The following PARD6B variants were observed in gnomAD, a reference collection of about 807,000 sequenced individuals.
PARD6B encodes par-6 family cell polarity regulator beta, also known as partitioning defective 6 homolog beta.
A neutral mutation model predicts 10.5 loss-of-function variants in PARD6B; 4 were observed. The observed-to-expected ratio is 0.38, with a 90% CI of 0.19 to 0.87. The LOEUF (loss-of-function observed/expected upper bound fraction) is 0.87. Ranked by LOEUF, PARD6B falls within the 40% of genes least tolerant of loss-of-function variation. The pLI, the probability that PARD6B is intolerant of heterozygous loss-of-function variation, is 0.41. For synonymous variants in PARD6B, 169 were observed against 170.4 expected (o/e 0.99, Z 0.07); for missense variants, 396 against 470.6 (o/e 0.84, Z 1.47).
intron 2 of PARD6B, among the ~76,000 whole-genome samples, chr20:50,742,137 C>G (rs1159708163): frequency 1.3e-5 from 2 of 152,168 alleles, no homozygotes; most frequent in Non-Finnish European, 2.9e-5. Flanking sequence ...ACTGCAACCT[C>G]CGCCTCCCAG....
Position 50,752,954 on chromosome 20 carries a change from C to T in PARD6B, c.*2466C>T, listed in dbSNP as rs6126089. On this transcript the variant is annotated 3_prime_UTR_variant, in exon 3 of 3. Transcript: ENST00000371610. ...CGGCTTTAACATTCTGTGAGTCTTA[C>T]AAATTTGACTCTTGAATGGCAAAAT... 0.26 allele frequency: 258,948 copies of T among 981,326 alleles called. 35,482 individuals are homozygous for T. The highest frequency in any genetic ancestry group is 0.44 in the African/African-American group (24,898 of 57,104). 60.8% of individuals were successfully genotyped at this position (981,326 alleles called of 1,614,324 possible).
Position 50,742,111 on chromosome 20 carries a change from G to A in PARD6B, c.289+4032G>A, listed in dbSNP as rs1600816660. Among the ~76,000 whole-genome samples, 3 of 152,114 alleles carry A rather than the reference G, an allele frequency of 2.0e-5. No individual in the cohort carries two copies. The East Asian group carries it at 5.8e-4, about 29-fold the overall frequency. ...TCTGTCACCCAGGCTGGAATGCAGG[G>A]GCGTGACCTCCACTCACTGCAACCT... On this transcript the variant is annotated intron_variant, in intron 2 of 2. Transcript: ENST00000371610.
rs145847971 is a variant in PARD6B at position 50,742,082 on chromosome 20, T to A, written c.289+4003T>A. Among the ~76,000 whole-genome samples, 205 of 152,306 alleles carry A rather than the reference T, an allele frequency of 1.3e-3. 2 individuals carry two copies. Among genetic ancestry groups the A allele is most frequent in the African/African-American group, 4.8e-3 (198 of 41,560 alleles). On this transcript the variant is annotated intron_variant, in intron 2 of 2. Coordinates refer to ENST00000371610, the MANE Select transcript of PARD6B (RefSeq NM_032521.3). ...GTTTTGTTTTGTTTTGTTTTAAGTC[T>A]TGCTCTGTCACCCAGGCTGGAATGC...
chr20:50,739,891 A>ATTGCACTC (rs2087521367), intron 2 of PARD6B, among the ~76,000 whole-genome samples: 4 of 116,846 alleles, frequency 3.4e-5, no homozygotes, highest in Admixed American at 1.0e-4. Flanking sequence ...GGGAGAAGGC[A>ATTGCACTC]GTGGCGGGAA....
chr20:50,742,617 C>T (rs1395674311), intron 2 of PARD6B, among the ~76,000 whole-genome samples: 1 of 152,076 alleles, frequency 6.6e-6, no homozygotes, highest in South Asian at 2.1e-4. Flanking sequence ...CCACCCTCCT[C>T]AGCCTCTCAT....
rs7268617 is a variant in PARD6B at position 50,751,989 on chromosome 20, T to C, written c.*1501T>C. 1.5e-4 allele frequency: 144 copies of C among 985,388 alleles called. No individual in the cohort carries two copies. The African/African-American group carries it at 2.5e-3, about 17-fold the overall frequency. The allele number at this position is 985,388 out of a possible 1,614,324, so 61.0% of individuals were successfully genotyped here. ...GTGCTGGATTGCAGGCATGAGCGCC[T>C]AGCCAGGAAGCTATCTTTTCTTGAG... is the stretch of plus-strand genomic sequence containing the variant. On this transcript the variant is annotated 3_prime_UTR_variant, in exon 3 of 3. Coordinates refer to ENST00000371610, the MANE Select transcript of PARD6B (RefSeq NM_032521.3).
chr20:50,734,686 A>AT lies in PARD6B; in HGVS notation c.66+2843dup, dbSNP rs201149764. Among the ~76,000 whole-genome samples the AT allele has an allele frequency of 8.2e-3, 1,236 of 150,424 alleles. 12 individuals carry two copies. The highest frequency in any genetic ancestry group is 0.027 in the African/African-American group (1,110 of 40,946). On this transcript the variant is annotated intron_variant, in intron 1 of 2. Transcript: ENST00000371610. ...GTCCATTTTTCTCTTACTATTTTCA[A>AT]TTTTTTTTTATCTTTTTAGAGACAG...
At chr20:50,741,851 C>T (rs1245548133) in intron 2 of PARD6B, among the ~76,000 whole-genome samples, 3 of 151,668 alleles carry the variant, frequency 2.0e-5, no homozygotes, top group Non-Finnish European at 4.4e-5. Flanking sequence ...CGGCCGCACT[C>T]TGTCTTTTAA....
At chr20:50,732,135 A>C (rs1222220472) in intron 1 of PARD6B, among the ~76,000 whole-genome samples, 1 of 152,186 alleles carries the variant, frequency 6.6e-6, no homozygotes, top group Non-Finnish European at 1.5e-5. Flanking sequence ...AGTAGGGGCC[A>C]AGGTATATCC....
At chr20:50,734,694 T>C (rs2087490515) in intron 1 of PARD6B, among the ~76,000 whole-genome samples, 1 of 152,030 alleles carries the variant, frequency 6.6e-6, no homozygotes. Context: ...CAATTTTTTT[T>C]TATCTTTTTA....
chr20:50,753,155 CTG>C lies in PARD6B; in HGVS notation c.*2669_*2670del, dbSNP rs1014515760. On this transcript the variant is annotated 3_prime_UTR_variant, in exon 3 of 3. Transcript: ENST00000371610. ...GCTTGACTTTTTGTACAAATTTTAACTGTAAAATACAGATTTATCTTGTACGC... is the reference window on the plus strand; with the variant it reads ...GCTTGACTTTTTGTACAAATTTTAACTAAAATACAGATTTATCTTGTACGC... 9.1e-6 allele frequency: 9 copies of C among 984,526 alleles called. No homozygotes were observed. Among genetic ancestry groups the C allele is most frequent in the African/African-American group, 5.3e-5 (3 of 57,030 alleles). The allele number at this position is 984,526 out of a possible 1,614,324, so 61.0% of individuals were successfully genotyped here. A position where few individuals can be genotyped will look rare whatever the true frequency, so the allele number is the denominator to read the frequency against.
intron 2 of PARD6B, among the ~76,000 whole-genome samples, chr20:50,748,075 A>G (rs1367745084): frequency 1.3e-5 from 2 of 152,248 alleles, no homozygotes; most frequent in Non-Finnish European, 2.9e-5. Context: ...GAGGTGGCTC[A>G]CACCTGTAAT....
At chr20:50,747,910 G>C (rs1207818785) in intron 2 of PARD6B, among the ~76,000 whole-genome samples, 1 of 152,212 alleles carries the variant, frequency 6.6e-6, no homozygotes, top group Non-Finnish European at 1.5e-5. Flanking sequence ...CAGTTTGCCA[G>C]AGTCCTACTA....
At chr20:50,732,593 A>G (rs2087477697) in intron 1 of PARD6B, among the ~76,000 whole-genome samples, 1 of 152,188 alleles carries the variant, frequency 6.6e-6, no homozygotes, top group Admixed American at 6.5e-5. Context: ...TAGTTAGGGA[A>G]TGCCTTCCAA....
chr20:50,734,603 G>T (rs191585831), intron 1 of PARD6B, among the ~76,000 whole-genome samples: 1 of 151,872 alleles, frequency 6.6e-6, no homozygotes, highest in Admixed American at 6.6e-5. Flanking sequence ...CTAGTGATCC[G>T]CCCGTCTCTA....
At chr20:50,749,575 T>TATA in intron 2 of PARD6B, 84 bp from the exon 3 acceptor site, 1 of 1,182,672 alleles carries the variant, frequency 8.5e-7, no homozygotes, top group South Asian at 1.7e-5. Flanking sequence ...ATATTTTGAG[T>TATA]TATCCTTTCT....
chr20:50,737,770 C>T (rs552564027), intron 1 of PARD6B, 87 bp from the exon 2 acceptor site: 33 of 848,530 alleles, frequency 3.9e-5, no homozygotes, highest in East Asian at 5.7e-5. Flanking sequence ...TTGCTCTGCT[C>T]GTTAATTTTT....
chr20:50,749,515 T>G, intron 2 of PARD6B, 144 bp from the exon 3 acceptor site: 2 of 726,220 alleles, frequency 2.8e-6, no homozygotes, highest in Non-Finnish European at 2.1e-6. Context: ...TGTACTAGAT[T>G]ATGATCTGAT....
chr20:50,731,884 G>C, intron 1 of PARD6B, 32 bp downstream of exon 1: 1 of 1,391,480 alleles, frequency 7.2e-7, no homozygotes, highest in Non-Finnish European at 9.3e-7. Context: ...CGGAGCGGCG[G>C]GCCTGGGGGG....
Sources: allele counts gnomAD v4.1 joint callset (sites outside exome capture counted in the v4.1 genomes callset), GRCh38; gene constraint gnomAD v4.1.1; transcripts MANE v1.5; gene names NCBI Gene and HGNC (gene_info 2026-07-23, HGNC 2026-07-21).